MSANTD7: variants seen among roughly 807,000 people sequenced by gnomAD.
The protein encoded by MSANTD7 is Myb/SANT DNA binding domain containing 7, also known as zinc finger and SCAN domain containing 29.
At chr10:14,844,830 T>G in the MSANTD7 span, 1 of 985,492 alleles carries the variant, frequency 1.0e-6, no homozygotes. Flanking sequence ...CAATTCAGAT[T>G]ATATCAGTTT....
At chr10:14,842,769 A>G in the MSANTD7 span, 2 of 1,536,416 alleles carry the variant, frequency 1.3e-6, no homozygotes, top group Non-Finnish European at 1.7e-6. This position sits in a 1 kb window ranked among gnomAD's most constrained non-coding sequence, Gnocchi z 5.2. Flanking sequence ...TCAGATGAGG[A>G]TTGTCAGCTA....
the MSANTD7 span, chr10:14,838,467 G>T: frequency 1.2e-6 from 2 of 1,600,356 alleles, no homozygotes; most frequent in Non-Finnish European, 1.7e-6. Flanking sequence ...AAGGTGAGGG[G>T]CTGCGGAGCT....
the MSANTD7 span, chr10:14,838,539 GCGGCGT>G: frequency 1.5e-6 from 2 of 1,361,792 alleles, no homozygotes; most frequent in Non-Finnish European, 2.0e-6. Context: ...AGGCTTGAGA[GCGGCGT>G]GTCGCCGGCC....
the MSANTD7 span, chr10:14,840,039 G>T: frequency 2.5e-5 from 33 of 1,303,086 alleles, no homozygotes; most frequent in Non-Finnish European, 3.3e-5. Context: ...TACATACATT[G>T]TAATATATAT....
the MSANTD7 span, chr10:14,845,813 C>T: frequency 1.5e-4 from 28 of 185,432 alleles, no homozygotes; most frequent in Non-Finnish European, 2.4e-4. Context: ...CCACCTGCCT[C>T]GGCCTCCCAA....
the MSANTD7 span, chr10:14,838,642 G>A: frequency 8.6e-6 from 5 of 584,380 alleles, no homozygotes; most frequent in South Asian, 4.4e-5. Context: ...CGATTCCTCC[G>A]GAAAGTCGTC....
At chr10:14,844,181 C>G in the MSANTD7 span, 1 of 1,219,696 alleles carries the variant, frequency 8.2e-7, no homozygotes, top group Non-Finnish European at 1.0e-6. Flanking sequence ...TTACCTCCCT[C>G]CAGTGGTTTC....
chr10:14,844,336 T>C, the MSANTD7 span: 11 of 1,041,236 alleles, frequency 1.1e-5, no homozygotes, highest in African/African-American at 1.7e-5. Context: ...CATATGGCCT[T>C]GGCTGAGGTA....
the MSANTD7 span, chr10:14,844,331 G>A: frequency 9.6e-7 from 1 of 1,042,154 alleles, no homozygotes. Context: ...TAATTCATAT[G>A]GCCTTGGCTG....
At chr10:14,838,494 A>G in the MSANTD7 span, 8 of 1,562,086 alleles carry the variant, frequency 5.1e-6, no homozygotes, top group Non-Finnish European at 6.9e-6. Context: ...GGGCTTCATG[A>G]CGGCCACCCG....
At chr10:14,843,608 G>A in the MSANTD7 span, 1 of 1,550,506 alleles carries the variant, frequency 6.4e-7, no homozygotes, top group African/African-American at 1.4e-5. Context: ...CCCCCTCCAA[G>A]GTGGGCAAGG....
At chr10:14,838,540 C>T in the MSANTD7 span, 4 of 1,353,572 alleles carry the variant, frequency 3.0e-6, no homozygotes, top group Admixed American at 8.7e-5. Context: ...GGCTTGAGAG[C>T]GGCGTGTCGC....
chr10:14,845,389 G>C, the MSANTD7 span: 272 of 985,328 alleles, frequency 2.8e-4, no homozygotes, highest in Non-Finnish European at 3.2e-4. Flanking sequence ...GCTGGAAATG[G>C]ACATAGGTGG....
chr10:14,842,290 C>G, the MSANTD7 span: 1 of 1,535,408 alleles, frequency 6.5e-7, no homozygotes, highest in Non-Finnish European at 8.7e-7. The surrounding 1 kb of genome is among the most constrained non-coding windows in gnomAD (Gnocchi z 5.2). Context: ...CCACAATGGC[C>G]AGTGCCAATA....
chr10:14,841,818 G>A, the MSANTD7 span, among the ~76,000 whole-genome samples: 4 of 152,358 alleles, frequency 2.6e-5, no homozygotes, highest in Admixed American at 6.5e-5. Context: ...CCGTGGTCAT[G>A]CTTGGACTCC....
the MSANTD7 span, chr10:14,842,177 T>G: frequency 6.5e-7 from 1 of 1,535,032 alleles, no homozygotes. This position sits in a 1 kb window ranked among gnomAD's most constrained non-coding sequence, Gnocchi z 5.2. Flanking sequence ...CAATTATCCC[T>G]GAGAGGGAAG....
chr10:14,845,350 A>G, the MSANTD7 span: 29 of 985,370 alleles, frequency 2.9e-5, no homozygotes, highest in South Asian at 5.2e-4. Flanking sequence ...TTTATTTTCT[A>G]TCTTGCAGGC....
At chr10:14,845,648 C>A in the MSANTD7 span, 1 of 580,336 alleles carries the variant, frequency 1.7e-6, no homozygotes, top group Non-Finnish European at 2.2e-6. Context: ...GGCTGGGGTG[C>A]AGTGGTGCAA....
chr10:14,842,406 A>G, the MSANTD7 span: 10 of 1,536,050 alleles, frequency 6.5e-6, no homozygotes, highest in South Asian at 1.2e-4. The surrounding 1 kb of genome is among the most constrained non-coding windows in gnomAD (Gnocchi z 5.2). Context: ...CACAATGCAG[A>G]TGTCTATCAG....
Sources: allele counts gnomAD v4.1 joint callset (sites outside exome capture counted in the v4.1 genomes callset), GRCh38; gene constraint gnomAD v4.1.1; non-coding constraint Gnocchi (gnomAD v3.1); transcripts MANE v1.5; gene names NCBI Gene and HGNC (gene_info 2026-07-23, HGNC 2026-07-21).